CHN1: variants seen among roughly 807,000 people sequenced by gnomAD.
CHN1 encodes chimerin 1, also known as N-chimaerin.
In CHN1, 37 loss-of-function variants were observed where a neutral mutation model predicts 59.5. The ratio of observed to expected loss-of-function variants is 0.62; its 90% CI spans 0.48 to 0.82. The LOEUF (loss-of-function observed/expected upper bound fraction) is 0.82, where lower values mean the gene tolerates loss of function less well. Ranked by LOEUF, CHN1 falls within the 40% of genes least tolerant of loss-of-function variation. CHN1 has a pLI of 0.00. For synonymous variants in CHN1, 206 were observed against 200.4 expected (o/e 1.03, Z -0.24); for missense variants, 469 against 571.0 (o/e 0.82, Z 1.82).
At chr2:174,995,534 A>T (rs1371296026) in intron 1 of CHN1, among the ~76,000 whole-genome samples, 1 of 152,176 alleles carries the variant, frequency 6.6e-6, no homozygotes, top group African/African-American at 2.4e-5. Context: ...CAGGCATTAG[A>T]TTGTCATAAG....
chr2:174,806,377 T>C (rs1295966171), intron 11 of CHN1, among the ~76,000 whole-genome samples: 2 of 152,220 alleles, frequency 1.3e-5, no homozygotes, highest in Non-Finnish European at 2.9e-5. Context: ...TAAATTCTGA[T>C]ATTTTGTTGG....
At chr2:174,922,178 C>G (rs1689035474) in intron 3 of CHN1, among the ~76,000 whole-genome samples, 2 of 152,098 alleles carry the variant, frequency 1.3e-5, no homozygotes, top group African/African-American at 4.8e-5. Flanking sequence ...GAGAATAAAC[C>G]TTTGCTTACG....
At chr2:174,873,285 A>C (rs1264846409) in intron 6 of CHN1, among the ~76,000 whole-genome samples, 1 of 152,146 alleles carries the variant, frequency 6.6e-6, no homozygotes, top group Non-Finnish European at 1.5e-5. Context: ...TTTAAAAGGC[A>C]GGGTTAAGAG....
intron 1 of CHN1, among the ~76,000 whole-genome samples, chr2:174,955,191 T>G (rs374641569): frequency 7.6e-5 from 7 of 91,922 alleles, no homozygotes; most frequent in African/African-American, 2.0e-4. Flanking sequence ...TATCTATATA[T>G]ATATATATAA....
At chr2:174,822,977 C>T (rs10497430) in intron 8 of CHN1, among the ~76,000 whole-genome samples, 54,376 of 152,108 alleles carry the variant, frequency 0.36, 11,327 homozygotes, top group Admixed American at 0.54. Flanking sequence ...AACCTTATTA[C>T]ATTTTAGTGA....
intron 8 of CHN1, among the ~76,000 whole-genome samples, chr2:174,817,101 T>C (rs1264141930): frequency 6.6e-6 from 1 of 152,194 alleles, no homozygotes; most frequent in African/African-American, 2.4e-5. Context: ...TCCCCATGTA[T>C]ACCATACACT....
chr2:174,950,096 TACAAA>T (rs1219082559), intron 2 of CHN1, among the ~76,000 whole-genome samples: 3 of 152,126 alleles, frequency 2.0e-5, no homozygotes, highest in Non-Finnish European at 4.4e-5. Context: ...CCTCGTAGTC[TACAAA>T]ATAAAATTTT....
In CHN1 at chr2:174,873,637, G is replaced by A. The variant is rs1214837863; in HGVS notation, c.549+4203C>T. 2.0e-5 allele frequency among the ~76,000 whole-genome samples: 3 copies of A among 152,144 alleles called. No homozygotes were observed. The East Asian group carries it at 5.8e-4, about 29-fold the overall frequency. ...CAAAGACTCCTATCATTCTGTGGAGGTATCCAAAGAATTCAAGTAGTTATG... is the reference window on the plus strand; with the variant it reads ...CAAAGACTCCTATCATTCTGTGGAGATATCCAAAGAATTCAAGTAGTTATG... On this transcript the variant is annotated intron_variant, in intron 6 of 12. Transcript: ENST00000409900.
At chr2:174,985,357 C>T (rs188777910) in intron 1 of CHN1, among the ~76,000 whole-genome samples, 90 of 152,102 alleles carry the variant, frequency 5.9e-4, no homozygotes, top group Non-Finnish European at 1.1e-3. Context: ...AAAAAAGAAG[C>T]CTAATTTAAT....
At chr2:174,812,814 TAA>T (rs1212131837) in intron 8 of CHN1, among the ~76,000 whole-genome samples, 2 of 152,206 alleles carry the variant, frequency 1.3e-5, no homozygotes, top group African/African-American at 4.8e-5. Context: ...CCCATTTCTT[TAA>T]AGTTACATAA....
At chr2:174,928,937 G>A (rs1331677854) in intron 3 of CHN1, among the ~76,000 whole-genome samples, 1 of 152,110 alleles carries the variant, frequency 6.6e-6, no homozygotes, top group African/African-American at 2.4e-5. Flanking sequence ...GCAAAGTGGA[G>A]GAATACTTAT....
intron 1 of CHN1, among the ~76,000 whole-genome samples, chr2:174,983,403 A>C (rs1160853525): frequency 1.3e-5 from 2 of 152,266 alleles, no homozygotes; most frequent in Admixed American, 1.3e-4. Flanking sequence ...TAATTATCTT[A>C]AAAAGTGCTT....
Position 175,005,336 on chromosome 2 carries a change from G to C in CHN1, c.-424C>G, listed in dbSNP as rs1013460262. On this transcript the variant is annotated 5_prime_UTR_variant, in exon 1 of 13. Transcript: ENST00000409900. The stretch of plus-strand genomic sequence containing the variant: ...GCCCCCGGCGGGGCGCGCTCACTCC[G>C]CATCCCGCGGCCTCGCAGACGCCAT... 1.7e-6 allele frequency: 2 copies of C among 1,158,792 alleles called. No individual in the cohort carries two copies. The highest frequency in any genetic ancestry group is 3.3e-5 in the African/African-American group (2 of 60,572). 71.8% of individuals were successfully genotyped at this position (1,158,792 alleles called of 1,614,324 possible).
intron 3 of CHN1, among the ~76,000 whole-genome samples, chr2:174,941,449 T>A (rs988845017): frequency 3.9e-4 from 59 of 152,306 alleles, no homozygotes; most frequent in African/African-American, 1.4e-3. Flanking sequence ...CAGTATACTT[T>A]CTAATTGTGT....
In CHN1 at chr2:175,005,194, GGGA is replaced by G; in HGVS notation, c.-285_-283del. 2 of 1,242,266 alleles carry G rather than the reference GGGA, an allele frequency of 1.6e-6. No individual in the cohort carries two copies. The highest frequency in any genetic ancestry group is 2.0e-6 in the Non-Finnish European group (2 of 989,554). 77.0% of individuals were successfully genotyped at this position (1,242,266 alleles called of 1,614,324 possible). On this transcript the variant is annotated 5_prime_UTR_variant, in exon 1 of 13. Transcript: ENST00000409900. ...GCCATCAGGCGCGGAGCGTGCGCGC[GGGA>G]GGAGGTACCTGCGAGGCAGGAGGCT...
chr2:174,816,902 T>C (rs142021573), intron 8 of CHN1, among the ~76,000 whole-genome samples: 2 of 152,148 alleles, frequency 1.3e-5, no homozygotes, highest in Non-Finnish European at 2.9e-5. Flanking sequence ...AGGTCACAGA[T>C]TGAGTCAGAA....
At chr2:174,890,041 A>T (rs1218338956) in intron 5 of CHN1, among the ~76,000 whole-genome samples, 1 of 152,210 alleles carries the variant, frequency 6.6e-6, no homozygotes. Context: ...AGCAAAAAAC[A>T]ATTAACAAAA....
In CHN1 at chr2:174,961,548, G is replaced by A. The variant is rs527435447; in HGVS notation, c.20-9346C>T. 7.9e-5 allele frequency among the ~76,000 whole-genome samples: 12 copies of A among 151,632 alleles called. 1 individual carries two copies. The South Asian group carries it at 1.7e-3, about 21-fold the overall frequency. On this transcript the variant is annotated intron_variant, in intron 1 of 12. Coordinates refer to ENST00000409900, the MANE Select transcript of CHN1 (RefSeq NM_001822.7). ...GGAGGTTGCAGTGAGGTGAGATTGC[G>A]CCATTGCACTCCAGCCTGGGCAAAA...
chr2:174,830,085 T>G (rs1453872124), intron 7 of CHN1, among the ~76,000 whole-genome samples: 2 of 151,924 alleles, frequency 1.3e-5, no homozygotes, highest in Non-Finnish European at 2.9e-5. Flanking sequence ...TACAAAAGAA[T>G]AGCCAGGTGT....
Sources: allele counts gnomAD v4.1 joint callset (sites outside exome capture counted in the v4.1 genomes callset), GRCh38; gene constraint gnomAD v4.1.1; transcripts MANE v1.5; gene names NCBI Gene and HGNC (gene_info 2026-07-23, HGNC 2026-07-21).